The following PRKD1 variants were observed in gnomAD, a reference collection of about 807,000 sequenced individuals.
PRKD1 encodes serine/threonine-protein kinase D1.
PRKD1 carries 63 observed loss-of-function variants against 95.9 expected under a neutral mutation model. That is an observed-to-expected ratio of 0.66 (90% CI 0.54 to 0.81). The LOEUF (loss-of-function observed/expected upper bound fraction) is 0.81, where lower values mean the gene tolerates loss of function less well. Among genes scored for constraint, PRKD1 ranks in the 30% least tolerant of loss-of-function variants. The pLI is 0.00. For missense variants in PRKD1, 1,048 were observed against 1,165.3 expected, an observed-to-expected ratio of 0.90 and a Z score of 1.47; for synonymous variants, 425 against 423.1, an observed-to-expected ratio of 1.00 and a Z score of -0.05.
chr14:29,903,572 T>A (rs1011775690), intron 1 of PRKD1, among the ~76,000 whole-genome samples: 3 of 152,180 alleles, frequency 2.0e-5, no homozygotes, highest in Admixed American at 2.0e-4. Context: ...AAACACATGA[T>A]ATCCCCTGAC....
intron 1 of PRKD1, among the ~76,000 whole-genome samples, chr14:29,829,268 C>G (rs1891312875): frequency 6.6e-6 from 1 of 152,112 alleles, no homozygotes; most frequent in African/African-American, 2.4e-5. Flanking sequence ...AATCCATGAG[C>G]AAAATTTAAA....
chr14:29,817,421 A>G (rs1890735340), intron 1 of PRKD1, among the ~76,000 whole-genome samples: 1 of 152,226 alleles, frequency 6.6e-6, no homozygotes, highest in Non-Finnish European at 1.5e-5. Flanking sequence ...AGCTGTGAAC[A>G]TTAGTTTTCA....
Position 29,663,727 on chromosome 14 carries a change from G to C in PRKD1, c.668C>G (p.Ser223Cys). 6.2e-7 allele frequency: 1 copy of C among 1,614,054 alleles called. No individual in the cohort carries two copies. Among genetic ancestry groups the C allele is most frequent in the Non-Finnish European group, 8.5e-7 (1 of 1,179,946 alleles). ...STIRTSSAELSTSAPDEPLLQ... is the reference protein window; with the variant it reads ...STIRTSSAELCTSAPDEPLLQ... ...AAGGGGCTCATCAGGGGCACTTGTA[G>C]AGAGTTCAGCAGATGATGTGCGGAT... Residue 223 changes from serine (S) to cysteine (C), a missense_variant, in exon 4 of 18, where the codon TCT (serine) becomes TGT (cysteine). Physicochemically the swap from Ser to Cys is moderately radical, Grantham distance 112. Coordinates refer to ENST00000331968, the MANE Select transcript of PRKD1 (RefSeq NM_002742.3).
At chr14:29,619,893 TGGA>T (rs1262893230) in intron 13 of PRKD1, among the ~76,000 whole-genome samples, 1 of 152,068 alleles carries the variant, frequency 6.6e-6, no homozygotes, top group Non-Finnish European at 1.5e-5. Flanking sequence ...AGAACAAAGC[TGGA>T]GGCATCACAC....
chr14:29,680,535 G>C (rs1017171210), intron 2 of PRKD1, among the ~76,000 whole-genome samples: 1 of 152,188 alleles, frequency 6.6e-6, no homozygotes, highest in African/African-American at 2.4e-5. Context: ...TGTTTATCTT[G>C]CCTCTTTGTT....
chr14:29,638,978 T>C, intron 4 of PRKD1, 74 bp from the exon 5 acceptor site: 10 of 1,126,050 alleles, frequency 8.9e-6, no homozygotes, highest in South Asian at 1.5e-5. Context: ...TATTTTAAGA[T>C]ACCGGTTTAC....
chr14:29,708,948 AT>A (rs1885213658), intron 2 of PRKD1, among the ~76,000 whole-genome samples: 1 of 152,168 alleles, frequency 6.6e-6, no homozygotes, highest in Non-Finnish European at 1.5e-5. Context: ...TATATTTATT[AT>A]AAGATATATT....
At position 29,653,538 on chromosome 14, in the gene PRKD1, A is replaced by G. The variant is rs552741704; in HGVS notation, c.696+10161T>C. Among the ~76,000 whole-genome samples, 119 of 152,246 alleles carry G rather than the reference A, an allele frequency of 7.8e-4. 4 individuals carry two copies. In the South Asian group the frequency reaches 0.023, roughly 29 times the overall value. On this transcript the variant is annotated intron_variant, in intron 4 of 17. Coordinates refer to ENST00000331968, the MANE Select transcript of PRKD1 (RefSeq NM_002742.3). ...TCACACAGGTCATCCAATATCTTAA[A>G]TTCTGCTTCATTTTCCACCTTGACT...
chr14:29,597,882 A>G, intron 15 of PRKD1, 124 bp from the exon 16 acceptor site: 3 of 1,052,938 alleles, frequency 2.8e-6, no homozygotes, highest in Admixed American at 3.1e-5. Context: ...AATGATATGG[A>G]TTTCTTAAAG....
At chr14:29,607,813 C>A (rs1235425201) in intron 13 of PRKD1, among the ~76,000 whole-genome samples, 1 of 152,098 alleles carries the variant, frequency 6.6e-6, no homozygotes, top group African/African-American at 2.4e-5. Flanking sequence ...CCTTTTGCCA[C>A]CTAAGGTAAT....
chr14:29,733,163 C>T (rs189932970), intron 1 of PRKD1, among the ~76,000 whole-genome samples: 7 of 149,332 alleles, frequency 4.7e-5, no homozygotes, highest in Admixed American at 4.0e-4. Flanking sequence ...AGTGCAGTGG[C>T]GCAATCTCGG....
chr14:29,680,278 C>T, intron 2 of PRKD1, among the ~76,000 whole-genome samples: 1 of 152,062 alleles, frequency 6.6e-6, no homozygotes, highest in East Asian at 1.9e-4. Context: ...AAGGACATAC[C>T]ATTATCTTTG....
At position 29,905,040 on chromosome 14, in the gene PRKD1, C is replaced by T. The variant is rs544254240; in HGVS notation, c.264+22209G>A. 4.6e-5 allele frequency among the ~76,000 whole-genome samples: 7 copies of T among 152,232 alleles called. No homozygotes were observed. The South Asian group carries it at 8.3e-4, about 18-fold the overall frequency. ...TTCCTAAACTGATTTTCAGGTACAC[C>T]ACAACGGGAATTACTGGACTGTGGT... On this transcript the variant is annotated intron_variant, in intron 1 of 17. Transcript: ENST00000331968.
chr14:29,901,208 G>A (rs1000535601), intron 1 of PRKD1, among the ~76,000 whole-genome samples: 1 of 152,184 alleles, frequency 6.6e-6, no homozygotes, highest in Non-Finnish European at 1.5e-5. Flanking sequence ...GGAGTTAGAG[G>A]TAATTATCCT....
rs559834640 is a variant in PRKD1 at position 29,927,217 on chromosome 14, G to A, written c.264+32C>T. ...GGCAGCGCCCCCTGCGCCGCGGGGA[G>A]GCGCCGGGCTGGCAGCGGTGCGGCG... On this transcript the variant is annotated intron_variant, in intron 1 of 17. Coordinates refer to ENST00000331968, the MANE Select transcript of PRKD1 (RefSeq NM_002742.3). 49 of 1,464,510 alleles carry A rather than the reference G, an allele frequency of 3.3e-5. No homozygotes were observed. The East Asian group carries it at 8.4e-4, about 25-fold the overall frequency. The allele number at this position is 1,464,510 out of a possible 1,614,324, so 90.7% of individuals were successfully genotyped here.
At chr14:29,664,063 C>T (rs1882344244) in intron 3 of PRKD1, among the ~76,000 whole-genome samples, 1 of 152,026 alleles carries the variant, frequency 6.6e-6, no homozygotes, top group Admixed American at 6.6e-5. Flanking sequence ...ATTGCACAAG[C>T]TCAGGAACTA....
intron 1 of PRKD1, among the ~76,000 whole-genome samples, chr14:29,863,786 A>T (rs1261518106): frequency 6.6e-6 from 1 of 152,152 alleles, no homozygotes; most frequent in South Asian, 2.1e-4. Context: ...GATAATGTCC[A>T]TTATATCTGG....
chr14:29,696,180 A>G (rs908507794), intron 2 of PRKD1, among the ~76,000 whole-genome samples: 3 of 152,216 alleles, frequency 2.0e-5, no homozygotes, highest in African/African-American at 7.2e-5. Flanking sequence ...TGAGCTGAAC[A>G]TTACACATAT....
chr14:29,802,323 A>G (rs962271260), intron 1 of PRKD1, among the ~76,000 whole-genome samples: 4 of 152,230 alleles, frequency 2.6e-5, no homozygotes, highest in African/African-American at 9.6e-5. Context: ...GGAAGAAGAC[A>G]ATACATCTAA....
Sources: gnomAD v4.1 joint callset for allele counts (sites outside exome capture counted in the v4.1 genomes callset) on GRCh38, gnomAD v4.1.1 for gene constraint, MANE v1.5 for transcripts, NCBI Gene and HGNC (gene_info 2026-07-23, HGNC 2026-07-21) for gene names.